Variants in EPHA10 observed in about 807,000 individuals in gnomAD.
EPHA10 encodes the protein ephrin type-A receptor 10.
In EPHA10, 120 loss-of-function variants were observed where a neutral mutation model predicts 109.7. The ratio of observed to expected loss-of-function variants is 1.09; its 90% CI spans 0.94 to 1.27. EPHA10 has a LOEUF of 1.27. Among genes scored for constraint, EPHA10 ranks in the 50% most tolerant of loss-of-function variants. The pLI is 0.00. For synonymous variants in EPHA10, 640 were observed against 618.9 expected (o/e 1.03, Z -0.51); for missense variants, 1,396 against 1,411.1 (o/e 0.99, Z 0.17).
At chr1:37,751,302 C>T (rs980879678) in intron 5 of EPHA10, among the ~76,000 whole-genome samples, 2 of 149,804 alleles carry the variant, frequency 1.3e-5, no homozygotes, top group Admixed American at 1.3e-4. Context: ...CATGAGGTGG[C>T]TCATGCCTGT....
intron 5 of EPHA10, among the ~76,000 whole-genome samples, chr1:37,741,004 C>A (rs1390110785): frequency 1.3e-5 from 2 of 152,108 alleles, no homozygotes; most frequent in Non-Finnish European, 2.9e-5. Flanking sequence ...GGAGGAAGAC[C>A]AAGGGTGGGC....
At chr1:37,742,328 C>T (rs484927) in intron 5 of EPHA10, among the ~76,000 whole-genome samples, 50,238 of 152,040 alleles carry the variant, frequency 0.33, 8,458 homozygotes, top group East Asian at 0.48. Flanking sequence ...TAACTTCTGG[C>T]TGTTCTAAGA....
intron 5 of EPHA10, among the ~76,000 whole-genome samples, chr1:37,746,369 T>A (rs1483586894): frequency 6.6e-6 from 1 of 152,092 alleles, no homozygotes; most frequent in Non-Finnish European, 1.5e-5. Flanking sequence ...AGTCCTGGGA[T>A]TACAGGCGTG....
intron 14 of EPHA10, 94 bp from the exon 15 acceptor site, chr1:37,719,701 C>G: frequency 6.9e-7 from 1 of 1,455,344 alleles, no homozygotes; most frequent in Non-Finnish European, 9.5e-7. Context: ...GACACAGACA[C>G]ACACACACAC....
At chr1:37,731,925 G>C (rs1021310898) in intron 6 of EPHA10, among the ~76,000 whole-genome samples, 13 of 152,256 alleles carry the variant, frequency 8.5e-5, no homozygotes, top group African/African-American at 3.1e-4. Flanking sequence ...AGCTGAGCCA[G>C]TGCCCTAGGC....
chr1:37,716,067 C>T lies in EPHA10; in HGVS notation c.*2305G>A. On this transcript the variant is annotated 3_prime_UTR_variant, in exon 17 of 17. Coordinates refer to ENST00000373048, the MANE Select transcript of EPHA10 (RefSeq NM_001099439.2). ...CCCCCTCCGACTGGCCCCCTCCCTCCCAGGGTGAGCTCAGACCAGGGTAAT... is the reference window on the plus strand; with the variant it reads ...CCCCCTCCGACTGGCCCCCTCCCTCTCAGGGTGAGCTCAGACCAGGGTAAT... The T allele has an allele frequency of 1.9e-6, 1 of 523,874 alleles. No individual in the cohort carries two copies. Among genetic ancestry groups the T allele is most frequent in the Admixed American group, 2.4e-5 (1 of 42,010 alleles). The allele number at this position is 523,874 out of a possible 1,614,324, so 32.5% of individuals were successfully genotyped here. A position where few individuals can be genotyped will look rare whatever the true frequency, so the allele number is the denominator to read the frequency against.
At chr1:37,725,530 A>G (rs117182782) in intron 8 of EPHA10, among the ~76,000 whole-genome samples, 5,429 of 141,760 alleles carry the variant, frequency 0.038, 78 homozygotes, top group South Asian at 0.086. Context: ...AAAAAAAAAA[A>G]GAAGTAACGA....
intron 5 of EPHA10, among the ~76,000 whole-genome samples, chr1:37,751,691 G>A (rs1265175078): frequency 6.6e-6 from 1 of 151,346 alleles, no homozygotes; most frequent in East Asian, 1.9e-4. Flanking sequence ...GGCCAACATG[G>A]TGAAACCCCG....
Position 37,761,475 on chromosome 1 carries a change from G to T in EPHA10, c.780C>A (p.Gly260=). 6.2e-7 allele frequency: 1 copy of T among 1,600,288 alleles called. No individual in the cohort carries two copies. The highest frequency in any genetic ancestry group is 2.2e-5 in the East Asian group (1 of 44,852). The part of the protein sequence containing the change: ...SPPRMHCGAD[G]EWLVPVGRCS... ...AGCGGCCCACAGGCACCAGCCACTC[G>T]CCGTCGGCGCCGCAGTGCATGCGTG... Residue 260 remains glycine (G), a synonymous_variant, in exon 3 of 17, where the codon GGC becomes GGA. Transcript: ENST00000373048.
At position 37,717,048 on chromosome 1, in the gene EPHA10, C is replaced by T. The variant is rs542572221; in HGVS notation, c.*1324G>A. On this transcript the variant is annotated 3_prime_UTR_variant, in exon 17 of 17. Coordinates refer to ENST00000373048, the MANE Select transcript of EPHA10 (RefSeq NM_001099439.2). ...CGCCCCATCCCACCCCACCAACACA[C>T]AGCCAAGCAGAGCAGACAAGTGTCA... 15 of 209,646 alleles carry T rather than the reference C, an allele frequency of 7.2e-5. No homozygotes were observed. In the East Asian group the frequency reaches 7.2e-4, roughly 10 times the overall value. The allele number at this position is 209,646 out of a possible 1,614,324, so 13.0% of individuals were successfully genotyped here.
At chr1:37,730,159 A>G (rs895201279) in intron 7 of EPHA10, among the ~76,000 whole-genome samples, 1 of 152,044 alleles carries the variant, frequency 6.6e-6, no homozygotes, top group African/African-American at 2.4e-5. Context: ...AATGATCCCC[A>G]GCTATAATCT....
intron 15 of EPHA10, chr1:37,719,066 A>C (rs1380402450): frequency 1.7e-6 from 1 of 601,364 alleles, no homozygotes; most frequent in East Asian, 2.8e-5. Flanking sequence ...GGGGTAGGAC[A>C]CGCCTAGGAC....
intron 5 of EPHA10, among the ~76,000 whole-genome samples, chr1:37,743,290 G>A (rs1387599053): frequency 6.6e-6 from 1 of 152,040 alleles, no homozygotes; most frequent in African/African-American, 2.4e-5. Context: ...AAAACGCTCT[G>A]GCACTTTAAG....
chr1:37,728,888 T>A (rs1220907970), intron 7 of EPHA10, among the ~76,000 whole-genome samples: 1 of 152,056 alleles, frequency 6.6e-6, no homozygotes, highest in African/African-American at 2.4e-5. Context: ...GAGGCAACCA[T>A]GTGGACACAG....
chr1:37,720,758 CATTGGCAGCCCCAGGG>C lies in EPHA10; in HGVS notation c.2208+9_2208+24del. On this transcript the variant is annotated intron_variant, in intron 12 of 16. Coordinates refer to ENST00000373048, the MANE Select transcript of EPHA10 (RefSeq NM_001099439.2). ...TGCCCGCTTTACAGAATAAAGTGGTCATTGGCAGCCCCAGGGCCACTCACCCTGAGGAAGCCGTCCA... is the reference window on the plus strand; with the variant it reads ...TGCCCGCTTTACAGAATAAAGTGGTCCCACTCACCCTGAGGAAGCCGTCCA... The C allele has an allele frequency of 1.2e-6, 2 of 1,613,560 alleles. No individual in the cohort carries two copies. The highest frequency in any genetic ancestry group is 1.7e-6 in the Non-Finnish European group (2 of 1,179,672).
At chr1:37,753,650 G>A in intron 4 of EPHA10, among the ~76,000 whole-genome samples, 1 of 31,284 alleles carries the variant, frequency 3.2e-5, no homozygotes, top group South Asian at 9.2e-4. Context: ...GGGCAAGCGG[G>A]AGCAGGGGCG....
intron 5 of EPHA10, among the ~76,000 whole-genome samples, chr1:37,746,376 C>G (rs994247183): frequency 6.6e-6 from 1 of 151,944 alleles, no homozygotes; most frequent in Non-Finnish European, 1.5e-5. Context: ...GGATTACAGG[C>G]GTGAGCCACC....
At chr1:37,750,932 G>A (rs759317664) in intron 5 of EPHA10, among the ~76,000 whole-genome samples, 15 of 152,016 alleles carry the variant, frequency 9.9e-5, no homozygotes, top group African/African-American at 2.2e-4. Flanking sequence ...GTAGCCGGGC[G>A]CAGTGGCTCA....
chr1:37,724,494 A>G (rs1488418195), intron 8 of EPHA10, among the ~76,000 whole-genome samples: 2 of 152,154 alleles, frequency 1.3e-5, no homozygotes, highest in Non-Finnish European at 2.9e-5. Context: ...AAACCCCAAC[A>G]TCTAGGCTAG....
Sources: allele counts gnomAD v4.1 joint callset (sites outside exome capture counted in the v4.1 genomes callset), GRCh38; gene constraint gnomAD v4.1.1; transcripts MANE v1.5; gene names NCBI Gene and HGNC (gene_info 2026-07-23, HGNC 2026-07-21).